Variants in UHRF2 observed in about 807,000 individuals in gnomAD.
The protein encoded by UHRF2 is ubiquitin like with PHD and ring finger domains 2.
A neutral mutation model predicts 96.8 loss-of-function variants in UHRF2; 23 were observed. That is an observed-to-expected ratio of 0.24 (90% CI 0.17 to 0.34). UHRF2 has a LOEUF of 0.34. UHRF2 is among the 10% of genes least tolerant of loss of function. The pLI, the probability that UHRF2 is intolerant of heterozygous loss-of-function variation, is 1.00. For missense variants in UHRF2, 685 were observed against 981.5 expected (o/e 0.70, Z 4.04); for synonymous variants, 385 against 332.6 (o/e 1.16, Z -1.72).
chr9:6,501,745 C>T (rs144210722), intron 14 of UHRF2, among the ~76,000 whole-genome samples: 117 of 152,314 alleles, frequency 7.7e-4, no homozygotes, highest in African/African-American at 2.6e-3. Context: ...CAGGCGTAAG[C>T]AGAGTCTGAC....
chr9:6,496,182 A>C (rs1824954546), intron 10 of UHRF2: 1 of 152,192 alleles, frequency 6.6e-6, no homozygotes, highest in South Asian at 2.1e-4. Context: ...CTGCATAAAA[A>C]GAATTAAACC....
chr9:6,470,881 A>G (rs575465964), intron 4 of UHRF2, among the ~76,000 whole-genome samples: 1 of 152,240 alleles, frequency 6.6e-6, no homozygotes, highest in Non-Finnish European at 1.5e-5. Flanking sequence ...AGAAGCAGAT[A>G]AAGTAGAAAA....
At chr9:6,497,172 A>G (rs1445591284) in intron 10 of UHRF2, 26 bp from the exon 11 acceptor site, 10 of 1,609,786 alleles carry the variant, frequency 6.2e-6, no homozygotes, top group South Asian at 1.1e-5. Flanking sequence ...ATTACATGGT[A>G]TAAAGACTTC....
At chr9:6,413,736 C>T in intron 1 of UHRF2, 93 bp downstream of exon 1, 1 of 1,321,032 alleles carries the variant, frequency 7.6e-7, no homozygotes, top group South Asian at 1.9e-5. Flanking sequence ...GTGCGCCGCG[C>T]GCGCAGGGCT....
intron 2 of UHRF2, among the ~76,000 whole-genome samples, chr9:6,428,602 T>A: frequency 7.6e-6 from 1 of 132,250 alleles, no homozygotes; most frequent in South Asian, 2.6e-4. Context: ...TTGGCTGGAG[T>A]GCAGTGGCAT....
intron 3 of UHRF2, among the ~76,000 whole-genome samples, chr9:6,452,867 T>A (rs1311363607): frequency 6.6e-6 from 1 of 152,154 alleles, no homozygotes; most frequent in Admixed American, 6.5e-5. Flanking sequence ...AGCTTTAGAG[T>A]TGTCACTGTA....
intron 15 of UHRF2, among the ~76,000 whole-genome samples, 197 bp from the exon 16 acceptor site, chr9:6,505,836 G>C (rs186068032): frequency 6.6e-6 from 1 of 152,128 alleles, no homozygotes; most frequent in South Asian, 2.1e-4. Context: ...TTACCTGAAG[G>C]CTCCCAATAT....
chr9:6,485,314 T>C (rs1217812612), intron 8 of UHRF2, among the ~76,000 whole-genome samples: 1 of 152,166 alleles, frequency 6.6e-6, no homozygotes, highest in African/African-American at 2.4e-5. Flanking sequence ...TGCCTTATTT[T>C]TTTGCATCTT....
At chr9:6,413,706 C>A in intron 1 of UHRF2, 63 bp downstream of exon 1, 1 of 1,422,154 alleles carries the variant, frequency 7.0e-7, no homozygotes, top group Non-Finnish European at 9.2e-7. Flanking sequence ...CTCCTCTGGA[C>A]GCACCGGTCC....
At chr9:6,444,990 G>A (rs1405601587) in intron 3 of UHRF2, among the ~76,000 whole-genome samples, 1 of 151,816 alleles carries the variant, frequency 6.6e-6, no homozygotes, top group East Asian at 2.0e-4. Flanking sequence ...TTAGGCACTA[G>A]ATTTAGAATT....
intron 3 of UHRF2, among the ~76,000 whole-genome samples, chr9:6,437,879 C>T (rs1268646934): frequency 3.3e-5 from 5 of 151,870 alleles, no homozygotes; most frequent in African/African-American, 7.3e-5. Context: ...TCCCAGAGTG[C>T]GAGATTACAG....
intron 1 of UHRF2, among the ~76,000 whole-genome samples, chr9:6,418,439 G>T (rs1270799259): frequency 6.6e-6 from 1 of 151,954 alleles, no homozygotes; most frequent in African/African-American, 2.4e-5. Context: ...TTGATCCCTT[G>T]TTCTACTTGA....
intron 3 of UHRF2, among the ~76,000 whole-genome samples, chr9:6,447,794 A>C (rs1252719268): frequency 2.6e-5 from 4 of 152,214 alleles, no homozygotes; most frequent in South Asian, 2.1e-4. Flanking sequence ...CTAGTTTAGC[A>C]GGCCAGAGAA....
chr9:6,433,903 A>C lies in UHRF2; in HGVS notation c.385-11A>C, dbSNP rs376134036. On this transcript the variant is annotated splice_polypyrimidine_tract_variant and intron_variant, in intron 2 of 15. Transcript: ENST00000276893. ...ATTAAGCTTCATTAACTGATTTTAA[A>C]CTTTTTTTAGGTAAATGAATTGGTG... 6.3e-7 allele frequency: 1 copy of C among 1,595,902 alleles called. No individual in the cohort carries two copies. The highest frequency in any genetic ancestry group is 1.3e-5 in the African/African-American group (1 of 74,364).
At chr9:6,461,538 A>G (rs965628918) in intron 4 of UHRF2, among the ~76,000 whole-genome samples, 1 of 150,944 alleles carries the variant, frequency 6.6e-6, no homozygotes, top group Non-Finnish European at 1.5e-5. Flanking sequence ...ACGCCCACCT[A>G]ACTTTTATAT....
At chr9:6,422,008 A>G (rs1407695666) in intron 2 of UHRF2, among the ~76,000 whole-genome samples, 1 of 152,160 alleles carries the variant, frequency 6.6e-6, no homozygotes, top group Non-Finnish European at 1.5e-5. Context: ...TAATTCATAG[A>G]TATCTGGGCT....
chr9:6,492,459 A>G (rs1824717018), intron 9 of UHRF2: 1 of 720,288 alleles, frequency 1.4e-6, no homozygotes. Context: ...AAGTTTCGTA[A>G]TACCTTGTTT....
At chr9:6,487,177 T>TATTTTTTATTTTTATTTTTA (rs371548870) in intron 9 of UHRF2, among the ~76,000 whole-genome samples, 2 of 144,400 alleles carry the variant, frequency 1.4e-5, no homozygotes, top group African/African-American at 5.3e-5. Flanking sequence ...TTTTATTTTT[T>TATTTTTTATTTTTATTTTTA]TTTCCTTTTT....
intron 1 of UHRF2, 141 bp downstream of exon 1, chr9:6,413,784 CGCGGGGT>C (rs1249239938): frequency 2.7e-6 from 3 of 1,124,836 alleles, no homozygotes; most frequent in Non-Finnish European, 3.5e-6. Context: ...CCCCGCGAGG[CGCGGGGT>C]GCGGGGCCCA....
Sources: gnomAD v4.1 joint callset for allele counts (sites outside exome capture counted in the v4.1 genomes callset) on GRCh38, gnomAD v4.1.1 for gene constraint, MANE v1.5 for transcripts, NCBI Gene and HGNC (gene_info 2026-07-23, HGNC 2026-07-21) for gene names.